PDZK1IP1: variants seen among roughly 807,000 people sequenced by gnomAD.
PDZK1IP1 encodes the protein PDZK1-interacting protein 1.
A neutral mutation model predicts 14.7 loss-of-function variants in PDZK1IP1; 9 were observed. The ratio of observed to expected loss-of-function variants is 0.61; its 90% CI spans 0.37 to 1.07. The LOEUF is 1.07. Among genes scored for constraint, PDZK1IP1 ranks in the 50% least tolerant of loss-of-function variants. The pLI, the probability that PDZK1IP1 is intolerant of heterozygous loss-of-function variation, is 0.01. For missense variants in PDZK1IP1, 152 were observed against 148.7 expected (o/e 1.02, Z -0.11); for synonymous variants, 70 against 61.2 (o/e 1.14, Z -0.67).
intron 1 of PDZK1IP1, among the ~76,000 whole-genome samples, chr1:47,188,461 C>CCCTCAG (rs1645332919): frequency 6.6e-6 from 1 of 152,240 alleles, no homozygotes; most frequent in Non-Finnish European, 1.5e-5. Context: ...AGAGAAAAGA[C>CCCTCAG]CCTCAGCGGG....
chr1:47,189,877 C>T lies in PDZK1IP1; in HGVS notation c.56G>A (p.Ser19Asn), dbSNP rs1168306768. The T allele has an allele frequency of 6.3e-7, 1 of 1,596,176 alleles. No homozygotes were observed. Among genetic ancestry groups the T allele is most frequent in the Non-Finnish European group, 8.5e-7 (1 of 1,178,148 alleles). Residue 19 changes from serine (S) to asparagine (N), a missense_variant, in exon 1 of 4, where the codon AGC becomes AAC. Physicochemically the swap from Ser to Asn is conservative, Grantham distance 46. Transcript: ENST00000294338. ...TCCTCCTGAGCTACCTTGCTGACAG[C>T]TGGCAGGTGGCACTGCCGTGAGCAG... ...LGLLTAVPPA[S>N]CQQGLGNLQP...
intron 1 of PDZK1IP1, among the ~76,000 whole-genome samples, chr1:47,188,588 C>T (rs961433716): frequency 2.0e-5 from 3 of 152,198 alleles, no homozygotes; most frequent in Admixed American, 6.5e-5. Flanking sequence ...ATGAGAAAAC[C>T]TTCCTCTGGC....
At position 47,187,390 on chromosome 1, in the gene PDZK1IP1, G is replaced by C; in HGVS notation, c.105C>G (p.Ile35Met). 1 of 1,612,886 alleles carries C rather than the reference G, an allele frequency of 6.2e-7. No individual in the cohort carries two copies. Among genetic ancestry groups the C allele is most frequent in the Non-Finnish European group, 8.5e-7 (1 of 1,179,956 alleles). ...GNLQPWMQGLIAVAVFLVLVA... is the reference protein window; with the variant it reads ...GNLQPWMQGLMAVAVFLVLVA... ...CGAGGACCAGGAACACGGCCACCGC[G>C]ATAAGGCCCTGCATCCAGGGCTGAA... Residue 35 changes from isoleucine (I) to methionine (M), a missense_variant, in exon 2 of 4, where the codon ATC becomes ATG. Physicochemically the swap from Ile to Met is conservative, Grantham distance 10. Coordinates refer to ENST00000294338, the MANE Select transcript of PDZK1IP1 (RefSeq NM_005764.4).
rs11552561 is a variant in PDZK1IP1, at chr1:47,187,365, C to A, written c.130G>T (p.Val44Phe). 3 of 1,612,820 alleles carry A rather than the reference C, an allele frequency of 1.9e-6. No homozygotes were observed. The highest frequency in any genetic ancestry group is 1.1e-5 in the South Asian group (1 of 91,082). ...TGGTTGACTGCAAAGGCGATTGCAA[C>A]GAGGACCAGGAACACGGCCACCGCG... is the stretch of plus-strand genomic sequence containing the variant. ...LIAVAVFLVL[V>F]AIAFAVNHFW... The change falls in exon 2 of 4, where the codon GTT (valine) becomes TTT (phenylalanine). Residue 44 changes from valine to phenylalanine, a missense_variant. Physicochemically the swap from Val to Phe is conservative, Grantham distance 50. Transcript: ENST00000294338.
chr1:47,183,915 C>T lies in PDZK1IP1; in HGVS notation c.*56G>A. 2.9e-6 allele frequency: 4 copies of T among 1,382,904 alleles called. No individual in the cohort carries two copies. The South Asian group carries it at 3.7e-5, about 13-fold the overall frequency. 85.7% of individuals were successfully genotyped at this position (1,382,904 alleles called of 1,614,324 possible). Reference sequence around the variant, plus strand: ...AAGAAGGAGGGGGCTTGGGTGGTAGCACTGGACATCCATCCCATGTGCCTG... The same window carrying T: ...AAGAAGGAGGGGGCTTGGGTGGTAGTACTGGACATCCATCCCATGTGCCTG... On this transcript the variant is annotated 3_prime_UTR_variant, in exon 4 of 4. Coordinates refer to ENST00000294338, the MANE Select transcript of PDZK1IP1 (RefSeq NM_005764.4).
intron 1 of PDZK1IP1, among the ~76,000 whole-genome samples, chr1:47,187,753 G>A (rs1374945439): frequency 2.6e-5 from 4 of 152,200 alleles, no homozygotes; most frequent in African/African-American, 9.6e-5. Flanking sequence ...TTTCCCTCCC[G>A]CAGGTGGGTC....
intron 2 of PDZK1IP1, among the ~76,000 whole-genome samples, chr1:47,185,714 C>T (rs1369395781): frequency 2.0e-5 from 3 of 152,128 alleles, no homozygotes; most frequent in Non-Finnish European, 4.4e-5. Context: ...TTCTGGGCCT[C>T]GGTGAGTGAT....
chr1:47,185,469 G>A (rs1645313443), intron 2 of PDZK1IP1: 1 of 244,910 alleles, frequency 4.1e-6, no homozygotes, highest in Admixed American at 5.0e-5. Context: ...GCAGAGCTGG[G>A]GCAGGTGGAG....
At chr1:47,185,620 C>T (rs1461557583) in intron 2 of PDZK1IP1, among the ~76,000 whole-genome samples, 1 of 152,196 alleles carries the variant, frequency 6.6e-6, no homozygotes, top group Non-Finnish European at 1.5e-5. Flanking sequence ...TGCTCATTTC[C>T]TTAGACATCC....
intron 1 of PDZK1IP1, among the ~76,000 whole-genome samples, chr1:47,188,928 C>G (rs1258400817): frequency 6.6e-5 from 10 of 152,174 alleles, no homozygotes; most frequent in Admixed American, 6.5e-4. Flanking sequence ...CCTCCTAGAC[C>G]CTGCAGCCAA....
intron 1 of PDZK1IP1, 79 bp from the exon 2 acceptor site, chr1:47,187,506 C>A: frequency 8.9e-7 from 1 of 1,128,834 alleles, no homozygotes; most frequent in South Asian, 1.3e-5. Flanking sequence ...CCTCACTCTT[C>A]AAGGACCCCA....
chr1:47,188,807 A>G (rs1469112267), intron 1 of PDZK1IP1, among the ~76,000 whole-genome samples: 1 of 152,168 alleles, frequency 6.6e-6, no homozygotes, highest in Non-Finnish European at 1.5e-5. Flanking sequence ...CCTGCCAAAA[A>G]GCAGTATTTG....
rs756259974 is a variant in PDZK1IP1 at position 47,187,373 on chromosome 1, A to G, written c.122T>C (p.Leu41Pro). 8.7e-6 allele frequency: 14 copies of G among 1,612,886 alleles called. No homozygotes were observed. The highest frequency in any genetic ancestry group is 5.0e-5 in the Admixed American group (3 of 60,018). Residue 41 changes from leucine (L) to proline (P), a missense_variant, in exon 2 of 4, where the codon CTG becomes CCG. Coordinates refer to ENST00000294338, the MANE Select transcript of PDZK1IP1 (RefSeq NM_005764.4). Reference protein sequence around the residue: ...MQGLIAVAVFLVLVAIAFAVN... With the variant: ...MQGLIAVAVFPVLVAIAFAVN... ...TGCAAAGGCGATTGCAACGAGGACC[A>G]GGAACACGGCCACCGCGATAAGGCC...
chr1:47,186,981 C>T (rs1645323547), intron 2 of PDZK1IP1, among the ~76,000 whole-genome samples: 1 of 152,198 alleles, frequency 6.6e-6, no homozygotes, highest in Non-Finnish European at 1.5e-5. Flanking sequence ...TCTAGAGGTC[C>T]TTACAGCCCC....
intron 1 of PDZK1IP1, among the ~76,000 whole-genome samples, chr1:47,188,934 G>A (rs568451865): frequency 6.6e-6 from 1 of 152,292 alleles, no homozygotes; most frequent in African/African-American, 2.4e-5. Context: ...AGACCCTGCA[G>A]CCAATTCTCT....
At position 47,185,028 on chromosome 1, in the gene PDZK1IP1, C is replaced by A; in HGVS notation, c.246G>T (p.Arg82Ser). The change falls in exon 3 of 4, where the codon AGG (arginine) becomes AGT (serine). Residue 82 changes from arginine to serine, a missense_variant. Arg to Ser is a moderately radical substitution (Grantham distance 110). Coordinates refer to ENST00000294338, the MANE Select transcript of PDZK1IP1 (RefSeq NM_005764.4). ...ADGVLVGTDGRYSSMAASFRS... is the reference protein window; with the variant it reads ...ADGVLVGTDGSYSSMAASFRS... ...TGAAACTGGCCGCCATCGAAGAGTA[C>A]CTTCCATCTGTTCCCACCAGGACTC... 6.2e-7 allele frequency: 1 copy of A among 1,613,408 alleles called. No homozygotes were observed. The highest frequency in any genetic ancestry group is 8.5e-7 in the Non-Finnish European group (1 of 1,179,886).
In PDZK1IP1 at chr1:47,183,860, G is replaced by C; in HGVS notation, c.*111C>G. The C allele has an allele frequency of 2.2e-6, 2 of 904,350 alleles. No homozygotes were observed. Among genetic ancestry groups the C allele is most frequent in the Non-Finnish European group, 3.5e-6 (2 of 568,634 alleles). 56.0% of individuals were successfully genotyped at this position (904,350 alleles called of 1,614,324 possible). ...GGTAGGGCCGGCATGGGGCTGGAGG[G>C]AGTCAGCCCACTATTGCAGATTCCA... On this transcript the variant is annotated 3_prime_UTR_variant, in exon 4 of 4. Coordinates refer to ENST00000294338, the MANE Select transcript of PDZK1IP1 (RefSeq NM_005764.4).
chr1:47,187,340 T>C lies in PDZK1IP1; in HGVS notation c.155A>G (p.His52Arg), dbSNP rs768279277. The change falls in exon 2 of 4, where the codon CAC becomes CGC. Residue 52 changes from histidine to arginine, a missense_variant. Transcript: ENST00000294338. ...VLVAIAFAVN[H>R]FWCQEEPEPA... is the part of the protein sequence containing the mutation. ...TCACGGCTCCTCCTGGCACCAGAAG[T>C]GGTTGACTGCAAAGGCGATTGCAAC... The C allele has an allele frequency of 1.1e-5, 17 of 1,612,378 alleles. No individual in the cohort carries two copies. Among genetic ancestry groups the C allele is most frequent in the Non-Finnish European group, 1.1e-5 (13 of 1,179,768 alleles).
In PDZK1IP1 at chr1:47,183,966, G is replaced by A; in HGVS notation, c.*5C>T. The A allele has an allele frequency of 6.3e-7, 1 of 1,592,512 alleles. No individual in the cohort carries two copies. The highest frequency in any genetic ancestry group is 1.1e-5 in the South Asian group (1 of 87,452). ...GGAGTCTTGGGGTTGGAGCCACAGA[G>A]AAGGTTACATCGGGGTGCTGCGGAC... On this transcript the variant is annotated 3_prime_UTR_variant, in exon 4 of 4. Coordinates refer to ENST00000294338, the MANE Select transcript of PDZK1IP1 (RefSeq NM_005764.4).
Sources: gnomAD v4.1 joint callset for allele counts (sites outside exome capture counted in the v4.1 genomes callset) on GRCh38, gnomAD v4.1.1 for gene constraint, MANE v1.5 for transcripts, NCBI Gene and HGNC (gene_info 2026-07-23, HGNC 2026-07-21) for gene names.